NLK: variants seen among roughly 807,000 people sequenced by gnomAD.
NLK encodes nemo like kinase.
A neutral mutation model predicts 59.0 loss-of-function variants in NLK; 11 were observed. That is an observed-to-expected ratio of 0.19 (90% CI 0.12 to 0.31). The LOEUF is 0.31. Among genes scored for constraint, NLK ranks in the 10% least tolerant of loss-of-function variants. NLK has a pLI of 1.00. For synonymous variants in NLK, 235 were observed against 235.9 expected (o/e 1.00, Z 0.03); for missense variants, 410 against 661.1 (o/e 0.62, Z 4.16).
chr17:28,188,318 C>T (rs1031185179), intron 8 of NLK, among the ~76,000 whole-genome samples: 3 of 152,190 alleles, frequency 2.0e-5, no homozygotes, highest in Non-Finnish European at 4.4e-5. Flanking sequence ...TGTTACAGAA[C>T]TATTTTTAAA....
intron 1 of NLK, among the ~76,000 whole-genome samples, chr17:28,121,655 C>T (rs112424600): frequency 2.0e-4 from 30 of 151,588 alleles, no homozygotes; most frequent in Non-Finnish European, 3.2e-4. Context: ...ACATGCACCA[C>T]GCCCGGCTAA....
chr17:28,192,617 G>A (rs866552183), intron 10 of NLK, among the ~76,000 whole-genome samples: 1 of 151,760 alleles, frequency 6.6e-6, no homozygotes, highest in Admixed American at 6.6e-5. Flanking sequence ...GCGGTGAGCC[G>A]AGATCGCACC....
chr17:28,156,548 G>A (rs1294674251), intron 3 of NLK, among the ~76,000 whole-genome samples: 4 of 151,980 alleles, frequency 2.6e-5, no homozygotes, highest in Admixed American at 1.3e-4. Flanking sequence ...CCTTCACCCC[G>A]CAACACACAC....
chr17:28,130,818 C>T (rs550577450), intron 2 of NLK, among the ~76,000 whole-genome samples: 102 of 152,052 alleles, frequency 6.7e-4, no homozygotes, highest in Non-Finnish European at 1.2e-3. Flanking sequence ...ATTGTTCTGG[C>T]ACATAATGAG....
intron 1 of NLK, among the ~76,000 whole-genome samples, chr17:28,055,292 C>T (rs1336047026): frequency 6.6e-6 from 1 of 152,010 alleles, no homozygotes; most frequent in Non-Finnish European, 1.5e-5. Context: ...GGAGTTTCAC[C>T]ATGTTGGCCA....
intron 7 of NLK, among the ~76,000 whole-genome samples, chr17:28,184,673 C>T (rs186095169): frequency 4.5e-4 from 69 of 152,284 alleles, no homozygotes; most frequent in Non-Finnish European, 7.9e-4. Flanking sequence ...CGGGGATGGA[C>T]GTGGTGGCTC....
chr17:28,188,075 T>C (rs2142071481), intron 8 of NLK, among the ~76,000 whole-genome samples: 1 of 152,222 alleles, frequency 6.6e-6, no homozygotes, highest in South Asian at 2.1e-4. Flanking sequence ...TGGTAGCACA[T>C]GCCTGTAGTT....
chr17:28,092,086 CCT>C (rs1904514730), intron 1 of NLK, among the ~76,000 whole-genome samples: 1 of 152,212 alleles, frequency 6.6e-6, no homozygotes, highest in Admixed American at 6.5e-5. Flanking sequence ...AAGGGCATAA[CCT>C]CTTTGGATTG....
chr17:28,081,277 A>T (rs1410382510), intron 1 of NLK, among the ~76,000 whole-genome samples: 7 of 151,766 alleles, frequency 4.6e-5, no homozygotes, highest in Non-Finnish European at 8.8e-5. Context: ...ATCACAGCTC[A>T]CTTCAGCCTT....
chr17:28,083,444 C>T (rs964343790), intron 1 of NLK, among the ~76,000 whole-genome samples: 44 of 152,092 alleles, frequency 2.9e-4, no homozygotes, highest in African/African-American at 8.7e-4. Flanking sequence ...GCAAAGCTTC[C>T]TGTACTAGAT....
At chr17:28,158,174 C>T (rs928364359) in intron 3 of NLK, among the ~76,000 whole-genome samples, 2 of 152,180 alleles carry the variant, frequency 1.3e-5, no homozygotes, top group African/African-American at 4.8e-5. Context: ...TATGGTATAA[C>T]CTATTCCTCT....
intron 1 of NLK, among the ~76,000 whole-genome samples, chr17:28,046,470 C>G (rs1909054778): frequency 6.6e-6 from 1 of 152,130 alleles, no homozygotes; most frequent in Non-Finnish European, 1.5e-5. Flanking sequence ...TATGGGTTAT[C>G]AAGATATCAT....
At chr17:28,121,100 A>G (rs1906028659) in intron 1 of NLK, among the ~76,000 whole-genome samples, 1 of 152,068 alleles carries the variant, frequency 6.6e-6, no homozygotes, top group African/African-American at 2.4e-5. Context: ...TTTTTTGAAT[A>G]CAGGCAGAGT....
chr17:28,090,817 A>G (rs538840318), intron 1 of NLK, among the ~76,000 whole-genome samples: 10 of 152,278 alleles, frequency 6.6e-5, no homozygotes, highest in East Asian at 1.9e-4. Context: ...ATTGTTTTCA[A>G]TGAGAAATAT....
intron 1 of NLK, among the ~76,000 whole-genome samples, chr17:28,076,974 T>C (rs1910178545): frequency 1.3e-5 from 2 of 152,098 alleles, no homozygotes; most frequent in African/African-American, 4.8e-5. Context: ...TTTAATGCTG[T>C]GTGTCATGCC....
chr17:28,095,736 C>T (rs1167677958), intron 1 of NLK, among the ~76,000 whole-genome samples: 1 of 152,160 alleles, frequency 6.6e-6, no homozygotes, highest in Non-Finnish European at 1.5e-5. Flanking sequence ...TTTAATGTTT[C>T]TGGTTTTACA....
intron 7 of NLK, among the ~76,000 whole-genome samples, chr17:28,177,161 C>T (rs916383397): frequency 7.2e-5 from 11 of 151,798 alleles, no homozygotes; most frequent in African/African-American, 2.7e-4. Flanking sequence ...GTGGCAGAGG[C>T]GAAAGTGGTG....
At chr17:28,123,751 T>A (rs550387820) in intron 2 of NLK, among the ~76,000 whole-genome samples, 6 of 152,280 alleles carry the variant, frequency 3.9e-5, no homozygotes, top group Admixed American at 2.6e-4. Flanking sequence ...ACAAATAGAC[T>A]CGTGTTTTGA....
rs1360296420 is a variant in NLK at position 28,170,131 on chromosome 17, C to T, written c.1047+1474C>T. Among the ~76,000 whole-genome samples the T allele has an allele frequency of 2.0e-5, 3 of 152,054 alleles. 1 individual carries two copies. Among genetic ancestry groups the T allele is most frequent in the Admixed American group, 1.3e-4 (2 of 15,262 alleles). On this transcript the variant is annotated intron_variant, in intron 6 of 10. Coordinates refer to ENST00000407008, the MANE Select transcript of NLK (RefSeq NM_016231.5). Reference sequence around the variant, plus strand: ...GAGGGACAACCACCATAACAAAGCCCCTGAGGCAGGAACAAGCATGGCATG... The same window carrying T: ...GAGGGACAACCACCATAACAAAGCCTCTGAGGCAGGAACAAGCATGGCATG...
Sources: gnomAD v4.1 joint callset for allele counts (sites outside exome capture counted in the v4.1 genomes callset) on GRCh38, gnomAD v4.1.1 for gene constraint, MANE v1.5 for transcripts, NCBI Gene and HGNC (gene_info 2026-07-23, HGNC 2026-07-21) for gene names.